PRSS55: variants seen among roughly 807,000 people sequenced by gnomAD.
PRSS55 encodes serine protease 55, also known as probable serine protease UNQ9391/PRO34284.
PRSS55 carries 41 observed loss-of-function variants against 23.6 expected under a neutral mutation model. The observed-to-expected ratio is 1.74, with a 90% CI of 1.35 to 2.26. The LOEUF is 2.26. Ranked by LOEUF, PRSS55 falls within the 30% of genes most tolerant of loss-of-function variation. The pLI, the probability that PRSS55 is intolerant of heterozygous loss-of-function variation, is 0.00. For synonymous variants in PRSS55, 262 were observed against 175.5 expected, an observed-to-expected ratio of 1.49 and a Z score of -3.90; for missense variants, 669 against 439.1, an observed-to-expected ratio of 1.52 and a Z score of -4.68.
At chr8:10,536,701 C>A (rs943774699) in intron 4 of PRSS55, among the ~76,000 whole-genome samples, 1 of 152,002 alleles carries the variant, frequency 6.6e-6, no homozygotes, top group African/African-American at 2.4e-5. Context: ...AAAACAAAAT[C>A]ATATCCTTTG....
chr8:10,526,228 G>A lies in PRSS55; in HGVS notation c.154+489G>A, dbSNP rs563316687. 3.2e-4 allele frequency among the ~76,000 whole-genome samples: 49 copies of A among 152,334 alleles called. No individual in the cohort carries two copies. In the South Asian group the frequency reaches 6.8e-3, roughly 21 times the overall value. On this transcript the variant is annotated intron_variant, in intron 1 of 4. Coordinates refer to ENST00000328655, the MANE Select transcript of PRSS55 (RefSeq NM_198464.4). ...TGCTGGGGTACCTAGCAACTGCTAG[G>A]GGTCGAGCATTTCCCCATGTTTAAC...
rs78678629 is a variant in PRSS55, at chr8:10,549,842, C to G, written c.742-4101C>G. 7.3e-3 allele frequency among the ~76,000 whole-genome samples: 1,109 copies of G among 152,324 alleles called. 18 individuals carry two copies. Among genetic ancestry groups the G allele is most frequent in the African/African-American group, 0.025 (1,025 of 41,576 alleles). ...TTATCTGCAAGGTGGTGGTAAGGCC[C>G]TGTTCCCGGCCTGGCTCTCAGTCTT... On this transcript the variant is annotated intron_variant, in intron 4 of 4. Transcript: ENST00000522210.
chr8:10,538,753 G>C lies in PRSS55; in HGVS notation c.1019G>C (p.Cys340Ser). Reference protein sequence around the residue: ...PGSPRSWLLLCPLSHVLFRAI... With the variant: ...PGSPRSWLLLSPLSHVLFRAI... ...AGCCCCAGATCCTGGCTCCTGCTCTGTCCCCTGTCCCATGTGTTGTTCAGA... is the reference window on the plus strand; with the variant it reads ...AGCCCCAGATCCTGGCTCCTGCTCTCTCCCCTGTCCCATGTGTTGTTCAGA... Residue 340 changes from cysteine to serine, a missense_variant, in exon 5 of 5, where the codon TGT becomes TCT. Transcript: ENST00000328655. 1 of 1,604,702 alleles carries C rather than the reference G, an allele frequency of 6.2e-7. No individual in the cohort carries two copies. The highest frequency in any genetic ancestry group is 8.5e-7 in the Non-Finnish European group (1 of 1,176,556).
At chr8:10,548,747 G>A (rs1400519910) in intron 4 of PRSS55, among the ~76,000 whole-genome samples, 3 of 144,830 alleles carry the variant, frequency 2.1e-5, no homozygotes, top group Non-Finnish European at 1.5e-5. Flanking sequence ...ACTTGGATCC[G>A]CAGGGCAGCC....
chr8:10,540,607 C>T (rs116712900), downstream of PRSS55: 1,330 of 152,118 alleles, frequency 8.7e-3, 13 homozygotes, highest in African/African-American at 0.027. Flanking sequence ...CCCAGCCAAT[C>T]GGGATCCTGA....
At chr8:10,551,869 A>G (rs1176311927) in intron 4 of PRSS55, among the ~76,000 whole-genome samples, 1 of 152,218 alleles carries the variant, frequency 6.6e-6, no homozygotes, top group Non-Finnish European at 1.5e-5. Context: ...ATTTAATAGG[A>G]ACCAACAAAT....
chr8:10,541,702 A>G (rs1812661733), downstream of PRSS55: 1 of 152,244 alleles, frequency 6.6e-6, no homozygotes, highest in Admixed American at 6.5e-5. Flanking sequence ...ATATGGGGGA[A>G]GAGCTTCTGT....
chr8:10,552,772 G>A lies in PRSS55; in HGVS notation c.742-1171G>A, dbSNP rs530562064. On this transcript the variant is annotated intron_variant, in intron 4 of 4. Coordinates refer to the PRSS55 transcript ENST00000522210. ...TTGTCAAAAAGACAAAAGATAGTGA[G>A]TGTTGGTGAGGGTGTGGAGAAAGGG... 2.0e-5 allele frequency among the ~76,000 whole-genome samples: 3 copies of A among 152,332 alleles called. No individual in the cohort carries two copies. In the South Asian group the frequency reaches 6.2e-4, roughly 32 times the overall value.
rs144767731 is a variant in PRSS55 at position 10,545,582 on chromosome 8, C to T, written c.742-8361C>T. ...ACTTCAGAAGCATTTCCCTACGAGA[C>T]CCAGACTTTAATCACCAAGAAATAG... On this transcript the variant is annotated intron_variant, in intron 4 of 4. Transcript: ENST00000522210. 4.7e-3 allele frequency among the ~76,000 whole-genome samples: 718 copies of T among 152,284 alleles called. 3 individuals are homozygous for T. The highest frequency in any genetic ancestry group is 7.5e-3 in the Non-Finnish European group (510 of 68,028).
At chr8:10,536,499 G>C (rs554270332) in intron 4 of PRSS55, among the ~76,000 whole-genome samples, 9 of 152,234 alleles carry the variant, frequency 5.9e-5, no homozygotes, top group Non-Finnish European at 1.2e-4. Flanking sequence ...ATTAAACCCA[G>C]CAATCTCAAT....
At chr8:10,549,732 G>C (rs1454283245) in intron 4 of PRSS55, among the ~76,000 whole-genome samples, 1 of 152,168 alleles carries the variant, frequency 6.6e-6, no homozygotes, top group Admixed American at 6.5e-5. Flanking sequence ...TGACTTTGGA[G>C]AAAGACGGAG....
downstream of PRSS55, among the ~76,000 whole-genome samples, chr8:10,543,468 C>CTTTTCTTTTCTTTTCT (rs59387702): frequency 9.6e-6 from 1 of 104,248 alleles, no homozygotes; most frequent in African/African-American, 4.1e-5. Context: ...TCCTTCCTTT[C>CTTTTCTTTTCTTTTCT]TTTCTTTCTC....
At chr8:10,554,082 C>A (rs1044188746) in exon 5 of PRSS55, 4 of 1,235,918 alleles carry the variant, frequency 3.2e-6, no homozygotes, top group Non-Finnish European at 4.5e-6. Flanking sequence ...AGAAAACATA[C>A]CCTTGGGCAT....
intron 4 of PRSS55, among the ~76,000 whole-genome samples, chr8:10,547,918 C>T (rs1812857675): frequency 6.6e-6 from 1 of 152,036 alleles, no homozygotes; most frequent in South Asian, 2.1e-4. Context: ...AAACACACAG[C>T]TTTACTGAAC....
intron 4 of PRSS55, among the ~76,000 whole-genome samples, chr8:10,552,801 T>G (rs1409337985): frequency 2.0e-5 from 3 of 152,164 alleles, no homozygotes; most frequent in Non-Finnish European, 2.9e-5. Flanking sequence ...GAAAGGGGAA[T>G]GTTTGTACTC....
At chr8:10,538,406 G>C (rs368737166) in intron 4 of PRSS55, 70 bp from the exon 5 acceptor site, 12 of 1,212,428 alleles carry the variant, frequency 9.9e-6, no homozygotes, top group Non-Finnish European at 1.4e-5. Context: ...TTCCATGAAT[G>C]AGCTGTGCCC....
chr8:10,539,574 C>A (rs539342378), downstream of PRSS55, among the ~76,000 whole-genome samples: 1 of 152,176 alleles, frequency 6.6e-6, no homozygotes, highest in Non-Finnish European at 1.5e-5. Context: ...ATAATTCCCA[C>A]GTGTTGTGGG....
At chr8:10,529,962 G>C (rs559622266) in intron 2 of PRSS55, among the ~76,000 whole-genome samples, 1 of 152,216 alleles carries the variant, frequency 6.6e-6, no homozygotes, top group Non-Finnish European at 1.5e-5. Flanking sequence ...AACACCTGTG[G>C]CTTGATGGAG....
chr8:10,542,848 G>C (rs1259180581), downstream of PRSS55, among the ~76,000 whole-genome samples: 1 of 138,512 alleles, frequency 7.2e-6, no homozygotes, highest in Non-Finnish European at 1.5e-5. Context: ...ACTCCAGCCT[G>C]GGTGACAAAA....
Sources: allele counts gnomAD v4.1 joint callset (sites outside exome capture counted in the v4.1 genomes callset), GRCh38; gene constraint gnomAD v4.1.1; transcripts MANE v1.5; gene names NCBI Gene and HGNC (gene_info 2026-07-23, HGNC 2026-07-21).